COL4A5: variants seen among roughly 807,000 people sequenced by gnomAD.
COL4A5 encodes collagen type IV alpha 5 chain.
In COL4A5, 26 loss-of-function variants were observed where a neutral mutation model predicts 130.2. The observed-to-expected ratio is 0.20, with a 90% CI of 0.15 to 0.28. The LOEUF (loss-of-function observed/expected upper bound fraction) is 0.28. COL4A5 is among the 10% of genes least tolerant of loss of function. The probability of loss-of-function intolerance (pLI) is 1.00; values close to 1 mark genes in which losing one functional copy is unlikely to be tolerated. For synonymous variants in COL4A5, 496 were observed against 439.6 expected (o/e 1.13, Z -1.60); for missense variants, 1,131 against 1,344.3 (o/e 0.84, Z 2.48).
chrX:108,640,209 A>AAATGGAAT (rs1403240925), intron 36 of COL4A5, among the ~76,000 whole-genome samples: 2 of 112,043 alleles, frequency 1.8e-5, no homozygotes, highest in African/African-American at 6.5e-5. Context: ...TTTGACCTTA[A>AAATGGAAT]AATGGAATAA....
intron 1 of COL4A5, among the ~76,000 whole-genome samples, chrX:108,506,779 C>T (rs1010308752): frequency 7.3e-5 from 8 of 110,128 alleles, no homozygotes; most frequent in Non-Finnish European, 9.5e-5. Context: ...ATAGGTCTGA[C>T]TCTGTGCCTA....
intron 29 of COL4A5, among the ~76,000 whole-genome samples, chrX:108,614,676 T>C (rs1329302949): frequency 1.8e-5 from 2 of 112,204 alleles, no homozygotes; most frequent in African/African-American, 6.5e-5. Flanking sequence ...GTTTGTAATC[T>C]TTTGTACTTT....
intron 1 of COL4A5, among the ~76,000 whole-genome samples, chrX:108,525,052 T>A (rs2065299676): frequency 8.9e-6 from 1 of 111,922 alleles, no homozygotes; most frequent in African/African-American, 3.2e-5. Context: ...TTGTTGATCT[T>A]CTGTCTCTCA....
At chrX:108,582,728 C>T in intron 16 of COL4A5, 156 bp from the exon 17 acceptor site, 2 of 374,553 alleles carry the variant, frequency 5.3e-6, no homozygotes, top group Non-Finnish European at 9.6e-6. Flanking sequence ...AGAAAACACT[C>T]CTTGAATTGC....
At chrX:108,571,765 T>G in intron 7 of COL4A5, 46 bp from the exon 8 acceptor site, 6 of 969,847 alleles carry the variant, frequency 6.2e-6, no homozygotes, top group Non-Finnish European at 8.8e-6. Context: ...ATTGGCGTGT[T>G]TCTCTCTCAT....
intron 36 of COL4A5, among the ~76,000 whole-genome samples, chrX:108,646,631 T>A (rs1398953819): frequency 8.9e-6 from 1 of 112,029 alleles, no homozygotes; most frequent in Non-Finnish European, 1.9e-5. Flanking sequence ...TTGCTTTTGG[T>A]GTTTTAGACA....
intron 1 of COL4A5, among the ~76,000 whole-genome samples, chrX:108,500,916 C>T (rs776795729): frequency 5.5e-5 from 6 of 109,211 alleles, no homozygotes; most frequent in South Asian, 4.0e-4. Context: ...GACAGAGGAC[C>T]GAAGAAGAAT....
intron 1 of COL4A5, among the ~76,000 whole-genome samples, chrX:108,476,052 T>C (rs888210678): frequency 2.7e-5 from 3 of 111,084 alleles, no homozygotes; most frequent in South Asian, 7.6e-4. Context: ...GTCCATAGTG[T>C]TGCTGTGGAG....
chrX:108,441,381 C>T (rs2064396607), intron 1 of COL4A5, among the ~76,000 whole-genome samples: 1 of 112,193 alleles, frequency 8.9e-6, no homozygotes, highest in Admixed American at 9.5e-5. Context: ...CATCTGGGTC[C>T]ACTTTTAAGT....
At chrX:108,595,891 C>A (rs1454899666) in intron 22 of COL4A5, among the ~76,000 whole-genome samples, 1 of 112,089 alleles carries the variant, frequency 8.9e-6, no homozygotes, top group Non-Finnish European at 1.9e-5. Context: ...AGACTTCTTT[C>A]TTCCAGAATA....
In COL4A5 at chrX:108,696,677, C is replaced by A. The variant is rs2068740743; in HGVS notation, c.*299C>A. On this transcript the variant is annotated 3_prime_UTR_variant, in exon 53 of 53. Coordinates refer to ENST00000328300, the MANE Select transcript of COL4A5 (RefSeq NM_033380.3). The stretch of plus-strand genomic sequence containing the variant: ...GAAAATTATATATTTTGCCCAGTTA[C>A]TAAAATGGTACATTAAAAATTCAAT... The A allele has an allele frequency of 1.8e-5, 3 of 164,974 alleles. No individual in the cohort carries two copies. In the South Asian group the frequency reaches 5.7e-4, roughly 31 times the overall value. 13.6% of individuals were successfully genotyped at this position (164,974 alleles called of 1,213,427 possible).
intron 1 of COL4A5, among the ~76,000 whole-genome samples, chrX:108,520,777 CCT>C (rs771513361): frequency 5.4e-5 from 6 of 111,131 alleles, no homozygotes; most frequent in East Asian, 2.8e-4. Flanking sequence ...GAAATTTGCC[CCT>C]GTTTTTGCAG....
intron 1 of COL4A5, among the ~76,000 whole-genome samples, chrX:108,458,921 A>C (rs1323855699): frequency 5.5e-5 from 6 of 109,876 alleles, no homozygotes; most frequent in African/African-American, 2.0e-4. Flanking sequence ...CGGAGCTTGC[A>C]GTGAGCCCAG....
At chrX:108,448,781 A>G (rs780184884) in intron 1 of COL4A5, among the ~76,000 whole-genome samples, 4 of 111,974 alleles carry the variant, frequency 3.6e-5, no homozygotes, top group Non-Finnish European at 5.6e-5. Context: ...TTGGAGGTTG[A>G]TTATCTCCAA....
chrX:108,611,763 A>C (rs1253973635), intron 29 of COL4A5, among the ~76,000 whole-genome samples: 3 of 111,014 alleles, frequency 2.7e-5, no homozygotes, highest in African/African-American at 9.8e-5. Flanking sequence ...ATCTCTTCCC[A>C]AAAACAGAAG....
At chrX:108,454,387 C>A (rs1172571095) in intron 1 of COL4A5, among the ~76,000 whole-genome samples, 1 of 111,191 alleles carries the variant, frequency 9.0e-6, no homozygotes, top group Non-Finnish European at 1.9e-5. Flanking sequence ...AAGTGATTCT[C>A]CTGCCTCAGC....
chrX:108,641,419 G>A (rs1341025534), intron 36 of COL4A5, among the ~76,000 whole-genome samples: 1 of 111,802 alleles, frequency 8.9e-6, no homozygotes, highest in Non-Finnish European at 1.9e-5. Context: ...AACTCGGACA[G>A]ACAGAGCAGC....
chrX:108,662,022 A>G (rs2067967685), intron 37 of COL4A5, among the ~76,000 whole-genome samples: 2 of 107,540 alleles, frequency 1.9e-5, no homozygotes. Context: ...TGCTGCACCC[A>G]TTAACTGGTC....
chrX:108,468,923 T>C (rs1488421562), intron 1 of COL4A5, among the ~76,000 whole-genome samples: 1 of 111,042 alleles, frequency 9.0e-6, no homozygotes, highest in Non-Finnish European at 1.9e-5. Flanking sequence ...GCGAGAGTAA[T>C]TGGTGTTGTT....
Sources: gnomAD v4.1 joint callset for allele counts (sites outside exome capture counted in the v4.1 genomes callset) on GRCh38, gnomAD v4.1.1 for gene constraint, MANE v1.5 for transcripts, NCBI Gene and HGNC (gene_info 2026-07-23, HGNC 2026-07-21) for gene names.